SHROOM4: variants seen among roughly 807,000 people sequenced by gnomAD.
SHROOM4 encodes the protein protein Shroom4.
SHROOM4 carries 17 observed loss-of-function variants against 80.3 expected under a neutral mutation model. That is an observed-to-expected ratio of 0.21 (90% CI 0.14 to 0.32). The LOEUF is 0.32. Among genes scored for constraint, SHROOM4 ranks in the 10% least tolerant of loss-of-function variants. SHROOM4 has a pLI of 1.00. For synonymous variants in SHROOM4, 400 were observed against 437.5 expected, an observed-to-expected ratio of 0.91 and a Z score of 1.07; for missense variants, 993 against 1,140.3, an observed-to-expected ratio of 0.87 and a Z score of 1.86.
Position 50,809,064 on chromosome X carries a change from T to C in SHROOM4, c.117+4838A>G, listed in dbSNP as rs533832362. On this transcript the variant is annotated intron_variant, in intron 1 of 8. Transcript: ENST00000376020. ...TCAAAATGCCCTCTACTTTCTGGGA[T>C]AGGGCAGCAGGTGGGAAACTGAGGT... Among the ~76,000 whole-genome samples, 33 of 111,274 alleles carry C rather than the reference T, an allele frequency of 3.0e-4. No homozygotes were observed. The East Asian group carries it at 7.7e-3, about 26-fold the overall frequency.
At chrX:50,698,568 A>T (rs1490008993) in intron 1 of SHROOM4, among the ~76,000 whole-genome samples, 9 of 110,821 alleles carry the variant, frequency 8.1e-5, no homozygotes, top group Admixed American at 5.8e-4. Flanking sequence ...GACCCAGGGT[A>T]TTTACTGAGC....
At chrX:50,646,777 C>T (rs1454133346) in intron 2 of SHROOM4, among the ~76,000 whole-genome samples, 1 of 109,484 alleles carries the variant, frequency 9.1e-6, no homozygotes, top group Non-Finnish European at 1.9e-5. Flanking sequence ...TCCCCCTCTC[C>T]ACCCTCCACC....
intron 5 of SHROOM4, among the ~76,000 whole-genome samples, chrX:50,619,694 A>G (rs1292143215): frequency 8.9e-6 from 1 of 111,842 alleles, no homozygotes; most frequent in Non-Finnish European, 1.9e-5. Context: ...ACCCCAATCT[A>G]TATTTGTTGT....
At chrX:50,698,320 T>C (rs1421425867) in intron 1 of SHROOM4, among the ~76,000 whole-genome samples, 1 of 111,980 alleles carries the variant, frequency 8.9e-6, no homozygotes, top group African/African-American at 3.2e-5. Context: ...TCAGGCCAAC[T>C]GTTCATACCC....
chrX:50,740,828 T>C (rs928507867), intron 1 of SHROOM4, among the ~76,000 whole-genome samples: 2 of 112,191 alleles, frequency 1.8e-5, no homozygotes, highest in Admixed American at 9.4e-5. Flanking sequence ...AAATACACTT[T>C]TTACTTCTAT....
chrX:50,781,455 C>T (rs947735889), intron 1 of SHROOM4, among the ~76,000 whole-genome samples: 4 of 111,357 alleles, frequency 3.6e-5, no homozygotes, highest in Non-Finnish European at 7.5e-5. Context: ...TGACTACTTA[C>T]GCATATATGC....
intron 1 of SHROOM4, among the ~76,000 whole-genome samples, chrX:50,732,967 G>A (rs1423371426): frequency 2.7e-5 from 3 of 112,138 alleles, no homozygotes; most frequent in African/African-American, 9.7e-5. Flanking sequence ...GATATCACAA[G>A]AAACCTATAC....
rs782616173 is a variant in SHROOM4, at chrX:50,588,003, T to A, written c.*8692A>T. 1.2e-4 allele frequency among the ~76,000 whole-genome samples: 13 copies of A among 111,891 alleles called. No individual in the cohort carries two copies. Among genetic ancestry groups the A allele is most frequent in the African/African-American group, 4.2e-4 (13 of 30,794 alleles). ...GTTGACTTTAAGTCTAAAGATAGGT[T>A]TGAGGAGGAGTGGATGTTTTCCCCA... On this transcript the variant is annotated 3_prime_UTR_variant, in exon 9 of 9. Transcript: ENST00000376020.
intron 1 of SHROOM4, among the ~76,000 whole-genome samples, chrX:50,796,597 T>C (rs998445327): frequency 2.7e-5 from 3 of 111,596 alleles, no homozygotes; most frequent in Non-Finnish European, 3.8e-5. Context: ...CCTCATTGTA[T>C]AGAAAGGGAA....
intron 2 of SHROOM4, among the ~76,000 whole-genome samples, chrX:50,652,190 T>C (rs1477142055): frequency 8.9e-6 from 1 of 111,905 alleles, no homozygotes; most frequent in Non-Finnish European, 1.9e-5. Flanking sequence ...CTAATTTACA[T>C]TCCCACCAAC....
chrX:50,635,892 C>A (rs1557256047), intron 3 of SHROOM4, among the ~76,000 whole-genome samples: 1 of 109,752 alleles, frequency 9.1e-6, no homozygotes, highest in Non-Finnish European at 1.9e-5. Context: ...GATGGGGAAA[C>A]ACCCCAAAGA....
chrX:50,788,841 T>C (rs782089410), intron 1 of SHROOM4, among the ~76,000 whole-genome samples: 4 of 110,950 alleles, frequency 3.6e-5, no homozygotes, highest in South Asian at 7.6e-4. Context: ...AGACATTCCA[T>C]ACAAATGCTA....
chrX:50,761,471 A>G (rs992156219), intron 1 of SHROOM4, among the ~76,000 whole-genome samples: 4 of 112,348 alleles, frequency 3.6e-5, no homozygotes, highest in Non-Finnish European at 5.6e-5. Context: ...CTGACTGGTT[A>G]AGATGGTATC....
At chrX:50,813,045 G>A (rs1297715037) in intron 1 of SHROOM4, among the ~76,000 whole-genome samples, 3 of 111,213 alleles carry the variant, frequency 2.7e-5, no homozygotes, top group Non-Finnish European at 5.7e-5. Flanking sequence ...TCGCTTTGGG[G>A]GTTCTGGAGC....
chrX:50,633,128 C>T (rs1271571941), intron 4 of SHROOM4, 50 bp downstream of exon 4: 3 of 1,066,446 alleles, frequency 2.8e-6, no homozygotes, highest in Non-Finnish European at 3.9e-6. Context: ...GTAGCTTTCC[C>T]CTCTCAAAGA....
At chrX:50,615,337 C>G (rs1283298320) in intron 5 of SHROOM4, among the ~76,000 whole-genome samples, 3 of 111,189 alleles carry the variant, frequency 2.7e-5, no homozygotes, top group Non-Finnish European at 3.8e-5. Flanking sequence ...GCTGTTTGCT[C>G]TTTATCTTCT....
chrX:50,790,107 C>A (rs1313924165), intron 1 of SHROOM4, among the ~76,000 whole-genome samples: 5 of 111,796 alleles, frequency 4.5e-5, no homozygotes, highest in Non-Finnish European at 9.4e-5. Flanking sequence ...GTATTACAAT[C>A]TTATGGGACC....
At chrX:50,644,804 T>C (rs77699798) in intron 2 of SHROOM4, among the ~76,000 whole-genome samples, 1 of 111,898 alleles carries the variant, frequency 8.9e-6, no homozygotes, top group African/African-American at 3.3e-5. Flanking sequence ...TTTGGGAGCT[T>C]TGAGGAGCAT....
In SHROOM4 at chrX:50,634,080, A is replaced by G. The variant is rs782723426; in HGVS notation, c.1993T>C (p.Ser665Pro). 1 of 1,211,563 alleles carries G rather than the reference A, an allele frequency of 8.3e-7. No homozygotes were observed. The highest frequency in any genetic ancestry group is 1.1e-6 in the Non-Finnish European group (1 of 895,455). The change falls in exon 4 of 9, where the codon TCC (serine) becomes CCC (proline). Residue 665 changes from serine to proline, a missense_variant. Ser to Pro is a moderately conservative substitution (Grantham distance 74). Transcript: ENST00000376020. ...TCAGGGGCTTGGCTGAGGCACTCGG[A>G]AGACCTAGCTCTGAGCATCATGCTT... The part of the protein sequence containing the change: ...NKSMMLRARS[S>P]ECLSQAPESH...
Sources: allele counts gnomAD v4.1 joint callset (sites outside exome capture counted in the v4.1 genomes callset), GRCh38; gene constraint gnomAD v4.1.1; transcripts MANE v1.5; gene names NCBI Gene and HGNC (gene_info 2026-07-23, HGNC 2026-07-21).